Variants in MAP3K13 observed in about 807,000 individuals in gnomAD.
MAP3K13 encodes the protein mitogen-activated protein kinase kinase kinase 13.
MAP3K13 carries 52 observed loss-of-function variants against 104.0 expected under a neutral mutation model. That is an observed-to-expected ratio of 0.50 (90% confidence interval 0.40 to 0.63). The LOEUF (loss-of-function observed/expected upper bound fraction) is 0.63, where lower values mean the gene tolerates loss of function less well. Ranked by LOEUF, MAP3K13 falls within the 20% of genes least tolerant of loss-of-function variation. The pLI, the probability that MAP3K13 is intolerant of heterozygous loss-of-function variation, is 0.00. For synonymous variants in MAP3K13, 394 were observed against 442.2 expected (o/e 0.89, Z 1.37); for missense variants, 914 against 1,218.5 (o/e 0.75, Z 3.72).
intron 2 of MAP3K13, among the ~76,000 whole-genome samples, chr3:185,318,184 T>C (rs1478551753): frequency 6.6e-6 from 1 of 152,162 alleles, no homozygotes; most frequent in Non-Finnish European, 1.5e-5. Flanking sequence ...AAATATCCAA[T>C]GCTTTAAAAA....
chr3:185,350,836 C>T (rs1221924755), intron 2 of MAP3K13, among the ~76,000 whole-genome samples: 1 of 152,192 alleles, frequency 6.6e-6, no homozygotes, highest in Non-Finnish European at 1.5e-5. Context: ...TAAAACAGAA[C>T]TACCATTCGA....
At chr3:185,298,158 G>C (rs1164399474) in intron 2 of MAP3K13, among the ~76,000 whole-genome samples, 1 of 152,166 alleles carries the variant, frequency 6.6e-6, no homozygotes, top group Non-Finnish European at 1.5e-5. Flanking sequence ...CTTGCAAAAT[G>C]TGCTAGTTCT....
chr3:185,455,668 G>GATATATATC (rs1716606102), intron 7 of MAP3K13, among the ~76,000 whole-genome samples: 2 of 18,530 alleles, frequency 1.1e-4, no homozygotes, highest in African/African-American at 2.5e-4. Flanking sequence ...ATATATATAT[G>GATATATATC]ATATATATAT....
At position 185,473,508 on chromosome 3, in the gene MAP3K13, C is replaced by G. The variant is rs748696921; in HGVS notation, c.2177C>G (p.Ala726Gly). The G allele has an allele frequency of 1.9e-6, 3 of 1,614,234 alleles. No individual in the cohort carries two copies. Among genetic ancestry groups the G allele is most frequent in the Non-Finnish European group, 1.7e-6 (2 of 1,180,046 alleles). The stretch of plus-strand genomic sequence containing the variant: ...GCTGGTCCCTGGGGCTGTTGCCAGG[C>G]TGACGCTTATGACCCCTGCCTTCAG... ...GQAGPWGCCQ[A>G]DAYDPCLQCR... Residue 726 changes from alanine (A) to glycine (G), a missense_variant, in exon 11 of 14, where the codon GCT (alanine) becomes GGT (glycine). Physicochemically the swap from Ala to Gly is moderately conservative, Grantham distance 60. This residue lies in a region of MAP3K13 where 583 missense variants were observed against 737.4 expected (regional missense o/e 0.79). Transcript: ENST00000265026. The surrounding 1 kb of genome is among the most constrained non-coding windows in gnomAD (Gnocchi z 4.9).
intron 2 of MAP3K13, among the ~76,000 whole-genome samples, chr3:185,430,604 G>A (rs1448737305): frequency 6.6e-6 from 1 of 152,126 alleles, no homozygotes; most frequent in Non-Finnish European, 1.5e-5. Flanking sequence ...CTCTGACTCT[G>A]TCCATGTCCT....
At position 185,473,047 on chromosome 3, in the gene MAP3K13, T is replaced by G; in HGVS notation, c.1716T>G (p.Ser572Arg). Residue 572 changes from serine (S) to arginine (R), a missense_variant, in exon 11 of 14, where the codon AGT becomes AGG. Around this residue, in one of 3 missense-constraint regions of MAP3K13, gnomAD observed 583 missense variants for 737.4 expected, o/e 0.79. Coordinates refer to ENST00000265026, the MANE Select transcript of MAP3K13 (RefSeq NM_004721.5). This position sits in a 1 kb window ranked among gnomAD's most constrained non-coding sequence, Gnocchi z 4.9. ...VAPTASPLSG[S>R]PKMSTSSSKS... ...CCACTGCATCCCCTTTGTCCGGAAG[T>G]CCCAAAATGTCCACTTCTAGCAGCA... 1 of 1,613,966 alleles carries G rather than the reference T, an allele frequency of 6.2e-7. No homozygotes were observed. The highest frequency in any genetic ancestry group is 8.5e-7 in the Non-Finnish European group (1 of 1,179,996).
intron 1 of MAP3K13, among the ~76,000 whole-genome samples, chr3:185,403,701 C>T (rs967453755): frequency 6.6e-6 from 1 of 152,178 alleles, no homozygotes; most frequent in Non-Finnish European, 1.5e-5. Context: ...GACATGATAT[C>T]TTTCCTCTAT....
At chr3:185,291,948 AT>A (rs1720757029) in intron 2 of MAP3K13, 1 of 1,112,870 alleles carries the variant, frequency 9.0e-7, no homozygotes. Context: ...ATAAGTTTTC[AT>A]TGATAGAGAA....
chr3:185,428,506 C>G lies in MAP3K13; in HGVS notation c.-76C>G. On this transcript the variant is annotated 5_prime_UTR_variant, in exon 2 of 14. Transcript: ENST00000265026. ...CTCCTGTTTTTCTCAGGTTTTGGAGCCCTCTCTTAAGTCAGAACTCTGTCC... is the reference window on the plus strand; with the variant it reads ...CTCCTGTTTTTCTCAGGTTTTGGAGGCCTCTCTTAAGTCAGAACTCTGTCC... 2.7e-6 allele frequency: 4 copies of G among 1,495,800 alleles called. No homozygotes were observed. Among genetic ancestry groups the G allele is most frequent in the Non-Finnish European group, 2.7e-6 (3 of 1,123,914 alleles). The allele number at this position is 1,495,800 out of a possible 1,614,324, so 92.7% of individuals were successfully genotyped here. A position where few individuals can be genotyped will look rare whatever the true frequency, so the allele number is the denominator to read the frequency against.
chr3:185,340,875 C>T (rs1019280245), intron 2 of MAP3K13, among the ~76,000 whole-genome samples: 1 of 152,186 alleles, frequency 6.6e-6, no homozygotes, highest in East Asian at 1.9e-4. Context: ...TGAGGCCTCC[C>T]CAGCAATGCG....
intron 1 of MAP3K13, among the ~76,000 whole-genome samples, chr3:185,380,031 C>T (rs1367003032): frequency 6.6e-6 from 1 of 151,854 alleles, no homozygotes; most frequent in Non-Finnish European, 1.5e-5. Flanking sequence ...ACTAAAAATA[C>T]AAAAATTAGC....
chr3:185,324,183 T>TTTTATTA (rs1721966798), intron 2 of MAP3K13, among the ~76,000 whole-genome samples: 1 of 151,832 alleles, frequency 6.6e-6, no homozygotes, highest in African/African-American at 2.4e-5. Flanking sequence ...GCTAATTTTT[T>TTTTATTA]TTTATTTTTT....
chr3:185,361,396 T>G (rs6803742), upstream of MAP3K13, among the ~76,000 whole-genome samples: 1,663 of 135,270 alleles, frequency 0.012, 35 homozygotes, highest in African/African-American at 0.051. Context: ...TCGTTTTTTG[T>G]TTTTTTTTTT....
At chr3:185,399,660 AG>A (rs1176383846) in intron 1 of MAP3K13, among the ~76,000 whole-genome samples, 6 of 588 alleles carry the variant, frequency 0.01, 1 homozygote, top group African/African-American at 0.049. Flanking sequence ...GGAAAAAAGG[AG>A]GGAAGGAAGG....
At chr3:185,441,410 G>C (rs1715313522) in intron 3 of MAP3K13, among the ~76,000 whole-genome samples, 1 of 152,242 alleles carries the variant, frequency 6.6e-6, no homozygotes, top group African/African-American at 2.4e-5. Context: ...TTGAGGTAGA[G>C]AGAAAAGAAC....
intron 1 of MAP3K13, among the ~76,000 whole-genome samples, chr3:185,372,833 T>C (rs571937318): frequency 5.3e-4 from 80 of 152,306 alleles, no homozygotes; most frequent in African/African-American, 1.9e-3. Context: ...GATAACCTTA[T>C]TATTAATGCA....
intron 1 of MAP3K13, among the ~76,000 whole-genome samples, chr3:185,366,494 C>T (rs1381664137): frequency 6.6e-6 from 1 of 152,186 alleles, no homozygotes; most frequent in African/African-American, 2.4e-5. Context: ...ATATGTTTAA[C>T]ATTTTCAGGA....
rs958748299 is a variant in MAP3K13 at position 185,431,726 on chromosome 3, C to G, written c.475+2670C>G. On this transcript the variant is annotated intron_variant, in intron 2 of 13. Transcript: ENST00000265026. Reference sequence around the variant, plus strand: ...CAGCTTTTCCACAACAGCCAGCAGACTTCAGTTACCATTATCCACTTTTTT... The same window carrying G: ...CAGCTTTTCCACAACAGCCAGCAGAGTTCAGTTACCATTATCCACTTTTTT... 2.6e-5 allele frequency among the ~76,000 whole-genome samples: 4 copies of G among 152,316 alleles called. No individual in the cohort carries two copies. The South Asian group carries it at 6.2e-4, about 24-fold the overall frequency.
At chr3:185,339,910 C>G (rs978227136) in intron 2 of MAP3K13, among the ~76,000 whole-genome samples, 7 of 152,130 alleles carry the variant, frequency 4.6e-5, no homozygotes, top group Admixed American at 3.9e-4. Flanking sequence ...TAAAAATGAT[C>G]ATGCAAGCTG....
Sources: gnomAD v4.1 joint callset for allele counts (sites outside exome capture counted in the v4.1 genomes callset) on GRCh38, gnomAD v4.1.1 for gene constraint, gnomAD v4.1.1 regional missense constraint, Gnocchi (gnomAD v3.1) non-coding constraint, MANE v1.5 for transcripts, NCBI Gene and HGNC (gene_info 2026-07-23, HGNC 2026-07-21) for gene names.